The following NDC80 variants were observed in gnomAD, a reference collection of about 807,000 sequenced individuals.
The protein encoded by NDC80 is kinetochore protein NDC80 homolog.
A neutral mutation model predicts 89.3 loss-of-function variants in NDC80; 69 were observed. The observed-to-expected ratio is 0.77, with a 90% confidence interval of 0.64 to 0.94. The LOEUF is 0.94. Among genes scored for constraint, NDC80 ranks in the 40% least tolerant of loss-of-function variants. The pLI is 0.00. For missense variants in NDC80, 593 were observed against 739.6 expected (o/e 0.80, Z 2.30); for synonymous variants, 243 against 255.6 (o/e 0.95, Z 0.47).
chr18:2,598,873 G>A (rs2072670225), intron 11 of NDC80, 146 bp from the exon 12 acceptor site: 3 of 690,744 alleles, frequency 4.3e-6, no homozygotes, highest in Non-Finnish European at 6.7e-6. Flanking sequence ...TTTTAAAACT[G>A]CTACTCTTAC....
At chr18:2,602,889 T>G (rs1442110547) in intron 13 of NDC80, among the ~76,000 whole-genome samples, 1 of 152,044 alleles carries the variant, frequency 6.6e-6, no homozygotes, top group Non-Finnish European at 1.5e-5. Context: ...ATACTAGAAC[T>G]AGAGGGAAGG....
chr18:2,598,349 A>G (rs1009973661), intron 11 of NDC80, among the ~76,000 whole-genome samples: 7 of 152,234 alleles, frequency 4.6e-5, no homozygotes, highest in African/African-American at 1.7e-4. Context: ...CTAGGTGCTG[A>G]GGATAGAGCT....
intron 16 of NDC80, chr18:2,614,320 C>T (rs550106716): frequency 2.8e-4 from 43 of 155,656 alleles, no homozygotes; most frequent in African/African-American, 1.0e-3. Context: ...GCCTGTAATC[C>T]CAGCTACTTA....
intron 10 of NDC80, among the ~76,000 whole-genome samples, chr18:2,591,165 C>G (rs11665457): frequency 1.6e-4 from 25 of 152,142 alleles, no homozygotes; most frequent in South Asian, 1.0e-3. Flanking sequence ...GCTGCAAGTA[C>G]TACAGTTCTC....
At position 2,606,456 on chromosome 18, in the gene NDC80, T is replaced by C; in HGVS notation, c.1506T>C (p.Thr502=). 6.2e-7 allele frequency: 1 copy of C among 1,604,686 alleles called. No individual in the cohort carries two copies. The highest frequency in any genetic ancestry group is 8.5e-7 in the Non-Finnish European group (1 of 1,175,166). Residue 502 remains threonine, a synonymous_variant, in exon 14 of 17, where the codon ACT becomes ACC. Coordinates refer to ENST00000261597, the MANE Select transcript of NDC80 (RefSeq NM_006101.3). Reference sequence around the variant, plus strand: ...CAGAAAGCAAGAGAAGTGTGAGAACTCTGAAAGAAGAAGTTCAAAAGCTGG... The same window carrying C: ...CAGAAAGCAAGAGAAGTGTGAGAACCCTGAAAGAAGAAGTTCAAAAGCTGG... ...MITESKRSVR[T]LKEEVQKLDD...
intron 2 of NDC80, among the ~76,000 whole-genome samples, chr18:2,573,956 T>C (rs1303240865): frequency 1.3e-5 from 2 of 151,568 alleles, no homozygotes; most frequent in African/African-American, 2.4e-5. Flanking sequence ...AAAAAAAATG[T>C]AAATGTGGTT....
chr18:2,592,193 TCATTTGC>T (rs1469427022), intron 10 of NDC80, among the ~76,000 whole-genome samples: 2 of 152,252 alleles, frequency 1.3e-5, no homozygotes, highest in Admixed American at 6.5e-5. Flanking sequence ...AAATACTTAA[TCATTTGC>T]CATTCCAGAG....
intron 13 of NDC80, 31 bp from the exon 14 acceptor site, chr18:2,606,384 T>G (rs747456662): frequency 6.1e-6 from 9 of 1,465,190 alleles, no homozygotes; most frequent in Non-Finnish European, 8.5e-6. Flanking sequence ...TGTATAGTTA[T>G]GATTTCTCAA....
intron 15 of NDC80, among the ~76,000 whole-genome samples, chr18:2,609,868 G>C (rs2072733423): frequency 6.6e-6 from 1 of 152,206 alleles, no homozygotes; most frequent in Non-Finnish European, 1.5e-5. Context: ...GCGGTTTTCT[G>C]CATTCACCAG....
chr18:2,610,878 CT>C lies in NDC80; in HGVS notation c.1791+20del. On this transcript the variant is annotated intron_variant, in intron 16 of 16. Transcript: ENST00000261597. Reference sequence around the variant, plus strand: ...TCTGTAGAGGTAAGTATGTGATGGTCTTTCCTACGTTCTAAGAAAGGTTTTT... The same window carrying C: ...TCTGTAGAGGTAAGTATGTGATGGTCTTCCTACGTTCTAAGAAAGGTTTTT... 7.1e-7 allele frequency: 1 copy of C among 1,406,566 alleles called. No homozygotes were observed. Among genetic ancestry groups the C allele is most frequent in the Non-Finnish European group, 9.6e-7 (1 of 1,039,302 alleles). The allele number at this position is 1,406,566 out of a possible 1,614,324, so 87.1% of individuals were successfully genotyped here.
chr18:2,597,211 T>TA (rs2072661734), intron 11 of NDC80, among the ~76,000 whole-genome samples: 2 of 151,228 alleles, frequency 1.3e-5, no homozygotes, highest in African/African-American at 4.9e-5. Flanking sequence ...TAAAATAAAA[T>TA]AAAATAGCAA....
At chr18:2,597,014 TG>T (rs1235473154) in intron 11 of NDC80, among the ~76,000 whole-genome samples, 1 of 150,822 alleles carries the variant, frequency 6.6e-6, no homozygotes, top group African/African-American at 2.4e-5. Flanking sequence ...CATCACACTC[TG>T]GGGACTGTTG....
At chr18:2,611,130 C>T (rs528178134) in intron 16 of NDC80, among the ~76,000 whole-genome samples, 1 of 146,156 alleles carries the variant, frequency 6.8e-6, no homozygotes, top group South Asian at 2.2e-4. Flanking sequence ...CTCACTGCAA[C>T]CTCCACCTCC....
chr18:2,615,690 A>G (rs2072780729), intron 16 of NDC80, among the ~76,000 whole-genome samples: 1 of 152,240 alleles, frequency 6.6e-6, no homozygotes, highest in East Asian at 1.9e-4. Context: ...ACAAAACTTC[A>G]TTACCAGCAA....
chr18:2,606,637 G>T, intron 14 of NDC80, 130 bp downstream of exon 14: 1 of 477,986 alleles, frequency 2.1e-6, no homozygotes, highest in South Asian at 5.5e-5. Context: ...TCTTGGGTTA[G>T]TTTTCTCTGC....
At chr18:2,580,279 T>C (rs887450624) in intron 6 of NDC80, among the ~76,000 whole-genome samples, 1 of 152,088 alleles carries the variant, frequency 6.6e-6, no homozygotes, top group African/African-American at 2.4e-5. Context: ...TCAAAAATGG[T>C]CGAGTCAGAG....
intron 7 of NDC80, among the ~76,000 whole-genome samples, chr18:2,586,908 G>T (rs12953815): frequency 6.6e-6 from 1 of 152,042 alleles, no homozygotes; most frequent in Non-Finnish European, 1.5e-5. Flanking sequence ...ACAAGTTTCC[G>T]ATACTCAGCT....
At position 2,616,442 on chromosome 18, in the gene NDC80, T is replaced by A. The variant is rs2072783807; in HGVS notation, c.1797T>A (p.His599Gln). The A allele has an allele frequency of 1.3e-6, 2 of 1,487,134 alleles. No homozygotes were observed. Among genetic ancestry groups the A allele is most frequent in the African/African-American group, 1.4e-5 (1 of 69,400 alleles). The allele number at this position is 1,487,134 out of a possible 1,614,324, so 92.1% of individuals were successfully genotyped here. ...TTGTTAATTCTCTTCACTAGAAACA[T>A]CTTGAGGAGCAGATTGCTAAAGTTG... ...VATHVGSVEK[H>Q]LEEQIAKVDR... The change falls in exon 17 of 17, where the codon CAT becomes CAA. Residue 599 changes from histidine (H) to glutamine (Q), a missense_variant. Physicochemically the swap from His to Gln is conservative, Grantham distance 24. Coordinates refer to ENST00000261597, the MANE Select transcript of NDC80 (RefSeq NM_006101.3).
intron 3 of NDC80, among the ~76,000 whole-genome samples, chr18:2,576,585 A>G (rs1005083376): frequency 2.6e-5 from 4 of 152,186 alleles, no homozygotes; most frequent in Non-Finnish European, 4.4e-5. Context: ...CTTAGACAAC[A>G]CTTTGAGAAC....
Sources: allele counts gnomAD v4.1 joint callset (sites outside exome capture counted in the v4.1 genomes callset), GRCh38; gene constraint gnomAD v4.1.1; transcripts MANE v1.5; gene names NCBI Gene and HGNC (gene_info 2026-07-23, HGNC 2026-07-21).